PSPC1: variants seen among roughly 807,000 people sequenced by gnomAD.
PSPC1 encodes paraspeckle component 1, also known as paraspeckle protein 1.
A neutral mutation model predicts 51.6 loss-of-function variants in PSPC1; 14 were observed. That is an observed-to-expected ratio of 0.27 (90% confidence interval 0.18 to 0.42). PSPC1 has a LOEUF of 0.42. Ranked by LOEUF, PSPC1 falls within the 10% of genes least tolerant of loss-of-function variation. The pLI is 1.00. For synonymous variants in PSPC1, 193 were observed against 231.9 expected, an observed-to-expected ratio of 0.83 and a Z score of 1.53; for missense variants, 406 against 701.1, an observed-to-expected ratio of 0.58 and a Z score of 4.75.
intron 6 of PSPC1, among the ~76,000 whole-genome samples, chr13:19,685,102 C>A (rs1877716136): frequency 1.3e-5 from 2 of 152,180 alleles, no homozygotes; most frequent in Admixed American, 1.3e-4. Flanking sequence ...ATAAGGAAAG[C>A]CGTAACATGT....
At chr13:19,687,816 T>G (rs954472206) in intron 6 of PSPC1, among the ~76,000 whole-genome samples, 6 of 152,166 alleles carry the variant, frequency 3.9e-5, no homozygotes, top group Non-Finnish European at 8.8e-5. Context: ...ATATAGTGAC[T>G]GCAATCTGAC....
chr13:19,744,599 T>C (rs986145217), intron 4 of PSPC1, among the ~76,000 whole-genome samples: 1 of 151,970 alleles, frequency 6.6e-6, no homozygotes, highest in African/African-American at 2.4e-5. Context: ...GAGTCTCGCT[T>C]TGTTGCCCAG....
chr13:19,676,497 T>C (rs1356212903), intron 7 of PSPC1, among the ~76,000 whole-genome samples: 2 of 152,202 alleles, frequency 1.3e-5, no homozygotes, highest in Non-Finnish European at 2.9e-5. Flanking sequence ...GTATAATTTC[T>C]CAAAACTACA....
chr13:19,736,423 C>T (rs925135853), intron 5 of PSPC1, among the ~76,000 whole-genome samples: 1 of 152,088 alleles, frequency 6.6e-6, no homozygotes, highest in Non-Finnish European at 1.5e-5. Flanking sequence ...GTGGCTCAAG[C>T]CTGTAATCCC....
chr13:19,775,376 A>T (rs957597367), intron 1 of PSPC1, among the ~76,000 whole-genome samples: 6 of 152,126 alleles, frequency 3.9e-5, no homozygotes, highest in African/African-American at 2.4e-5. Flanking sequence ...ACAAAAAAAA[A>T]AAATAAACCA....
intron 1 of PSPC1, among the ~76,000 whole-genome samples, chr13:19,773,509 A>G (rs1888811205): frequency 6.6e-6 from 1 of 152,024 alleles, no homozygotes; most frequent in African/African-American, 2.4e-5. Flanking sequence ...AAGTGCTGGG[A>G]TTACAGGCGT....
intron 6 of PSPC1, among the ~76,000 whole-genome samples, chr13:19,687,246 T>A (rs1235835590): frequency 6.6e-6 from 1 of 152,062 alleles, no homozygotes; most frequent in Non-Finnish European, 1.5e-5. Flanking sequence ...CTTTAGTATA[T>A]GTTCATTTCT....
intron 5 of PSPC1, among the ~76,000 whole-genome samples, chr13:19,732,883 C>T (rs538185892): frequency 2.0e-5 from 3 of 150,368 alleles, no homozygotes; most frequent in South Asian, 2.1e-4. Flanking sequence ...GCTGAGACTG[C>T]GCCACTGCAC....
At chr13:19,770,881 A>T (rs1888557435) in intron 2 of PSPC1, among the ~76,000 whole-genome samples, 1 of 151,440 alleles carries the variant, frequency 6.6e-6, no homozygotes, top group Admixed American at 6.6e-5. Flanking sequence ...TGGGCGACAG[A>T]GTGAGACTCG....
chr13:19,739,880 A>C (rs1055564705), intron 5 of PSPC1, among the ~76,000 whole-genome samples: 8 of 152,002 alleles, frequency 5.3e-5, no homozygotes, highest in African/African-American at 1.4e-4. Context: ...AAAAAAAAAA[A>C]ACAGTAGTTC....
chr13:19,743,492 G>T (rs1351211178), intron 4 of PSPC1, among the ~76,000 whole-genome samples: 9 of 147,086 alleles, frequency 6.1e-5, no homozygotes, highest in Non-Finnish European at 1.1e-4. Flanking sequence ...CAAAAAAAAA[G>T]GATTCAGACA....
At chr13:19,710,285 C>T (rs1225851078) in intron 6 of PSPC1, among the ~76,000 whole-genome samples, 1 of 152,142 alleles carries the variant, frequency 6.6e-6, no homozygotes, top group Non-Finnish European at 1.5e-5. Flanking sequence ...ATATTCAGAA[C>T]ATTTGAAATT....
At position 19,772,212 on chromosome 13, in the gene PSPC1, T is replaced by G. The variant is rs781750077; in HGVS notation, c.674+30A>C. On this transcript the variant is annotated intron_variant, in intron 2 of 8. Transcript: ENST00000338910. ...AGAGAGAAGCCCATATGTAACTGGA[T>G]AGAAGAAGGACAAGATATTTAAAAC... is the stretch of plus-strand genomic sequence containing the variant. The G allele has an allele frequency of 2.5e-5, 40 of 1,594,346 alleles. No individual in the cohort carries two copies. In the East Asian group the frequency reaches 8.7e-4, roughly 35 times the overall value.
At chr13:19,779,643 G>C (rs1263144620) in intron 1 of PSPC1, among the ~76,000 whole-genome samples, 1 of 52,976 alleles carries the variant, frequency 1.9e-5, no homozygotes, top group Non-Finnish European at 4.1e-5. Context: ...GAAGTGAGGA[G>C]CCCCTCTGCC....
rs1886285489 is a variant in PSPC1, at chr13:19,749,208, T to C, written c.967+2063A>G. On this transcript the variant is annotated intron_variant, in intron 4 of 8. Transcript: ENST00000338910. ...CTAAAAATACAAAAAATTAGCCGAG[T>C]GTAGAGGCATACACTTGTAATCCCA... Among the ~76,000 whole-genome samples the C allele has an allele frequency of 2.0e-5, 3 of 151,890 alleles. No individual in the cohort carries two copies. The South Asian group carries it at 6.2e-4, about 32-fold the overall frequency.
chr13:19,744,035 G>T lies in PSPC1; in HGVS notation c.968-2386C>A, dbSNP rs777313220. On this transcript the variant is annotated intron_variant, in intron 4 of 8. Coordinates refer to ENST00000338910, the MANE Select transcript of PSPC1 (RefSeq NM_001354909.2). ...AGGCAGGAGAATCACTTGAACCCGGGAGGCGGAGGCTGCAGTGGGCTGAGG... is the reference window on the plus strand; with the variant it reads ...AGGCAGGAGAATCACTTGAACCCGGTAGGCGGAGGCTGCAGTGGGCTGAGG... 1.4e-4 allele frequency among the ~76,000 whole-genome samples: 22 copies of T among 152,300 alleles called. No homozygotes were observed. The Middle Eastern group carries it at 0.01, about 71-fold the overall frequency.
intron 2 of PSPC1, among the ~76,000 whole-genome samples, chr13:19,770,807 G>A (rs1015758586): frequency 6.6e-6 from 1 of 151,734 alleles, no homozygotes; most frequent in African/African-American, 2.4e-5. Flanking sequence ...GCTGAGGAAG[G>A]AGAATTGCTT....
chr13:19,771,866 G>A (rs559984819), intron 2 of PSPC1, among the ~76,000 whole-genome samples: 17 of 152,186 alleles, frequency 1.1e-4, no homozygotes, highest in South Asian at 4.1e-4. Context: ...GAGGTGATCC[G>A]CGCACTGAAA....
intron 6 of PSPC1, among the ~76,000 whole-genome samples, chr13:19,713,763 G>C (rs972354730): frequency 6.6e-6 from 1 of 152,100 alleles, no homozygotes; most frequent in African/African-American, 2.4e-5. Context: ...TGTCAAAAGA[G>C]CATTCCATCA....
Sources: gnomAD v4.1 joint callset for allele counts (sites outside exome capture counted in the v4.1 genomes callset) on GRCh38, gnomAD v4.1.1 for gene constraint, MANE v1.5 for transcripts, NCBI Gene and HGNC (gene_info 2026-07-23, HGNC 2026-07-21) for gene names.